The following NID2 variants were observed in gnomAD, a reference collection of about 807,000 sequenced individuals.
NID2 encodes nidogen-2.
Under a neutral mutation model 145.4 loss-of-function variants are expected in NID2, and 83 were observed. The ratio of observed to expected loss-of-function variants is 0.57; its 90% confidence interval spans 0.48 to 0.69. The LOEUF is 0.69. Among genes scored for constraint, NID2 ranks in the 30% least tolerant of loss-of-function variants. NID2 has a pLI of 0.00. For synonymous variants in NID2, 739 were observed against 701.3 expected (o/e 1.05, Z -0.85); for missense variants, 1,807 against 1,765.7 (o/e 1.02, Z -0.42).
chr14:52,058,061 C>T (rs76318951), intron 3 of NID2, among the ~76,000 whole-genome samples: 4,145 of 152,208 alleles, frequency 0.027, 79 homozygotes, highest in African/African-American at 0.057. Context: ...TAGGGAGAAA[C>T]GAGAATGTGA....
chr14:52,036,576 C>A (rs1892080157), intron 9 of NID2, among the ~76,000 whole-genome samples: 1 of 152,054 alleles, frequency 6.6e-6, no homozygotes, highest in Non-Finnish European at 1.5e-5. Flanking sequence ...TTTGAGAAAC[C>A]ACTATTTTGT....
chr14:52,036,170 T>C (rs1426553039), intron 9 of NID2, among the ~76,000 whole-genome samples: 1 of 152,250 alleles, frequency 6.6e-6, no homozygotes, highest in Non-Finnish European at 1.5e-5. Context: ...ATTAACGCCC[T>C]ATGCTCTCAT....
At chr14:52,050,987 T>C (rs968656338) in intron 5 of NID2, among the ~76,000 whole-genome samples, 4 of 152,182 alleles carry the variant, frequency 2.6e-5, no homozygotes, top group African/African-American at 9.7e-5. Context: ...GGGTAACTTT[T>C]TGACTTGACA....
Position 52,005,511 on chromosome 14 carries a change from CA to C in NID2, c.4118-16del. ...TTACTTTCTTCCTGTGAGAGAAGAG[CA>C]GGGGTGGGACAGGGTGGTGGGTGAG... On this transcript the variant is annotated splice_polypyrimidine_tract_variant and intron_variant, in intron 21 of 21. Coordinates refer to ENST00000216286, the MANE Select transcript of NID2 (RefSeq NM_007361.4). 6.3e-7 allele frequency: 1 copy of C among 1,596,040 alleles called. No homozygotes were observed. Among genetic ancestry groups the C allele is most frequent in the South Asian group, 1.1e-5 (1 of 87,620 alleles).
At chr14:52,047,278 G>GGCTCT (rs1209432185) in intron 5 of NID2, among the ~76,000 whole-genome samples, 2 of 152,104 alleles carry the variant, frequency 1.3e-5, no homozygotes, top group Non-Finnish European at 2.9e-5. Context: ...AGGTGTACAT[G>GGCTCT]GCTCTTTTTA....
chr14:52,060,035 T>C, intron 3 of NID2, 89 bp downstream of exon 3: 8 of 888,056 alleles, frequency 9.0e-6, no homozygotes, highest in Non-Finnish European at 1.4e-5. Context: ...CAATATATTA[T>C]GTAATGGTCT....
chr14:52,064,230 C>T (rs1893113587), intron 2 of NID2, among the ~76,000 whole-genome samples: 1 of 152,204 alleles, frequency 6.6e-6, no homozygotes, highest in Non-Finnish European at 1.5e-5. Context: ...TGGAGGCCTC[C>T]ATTGGGCAGT....
rs1892336623 is a variant in NID2 at position 52,042,876 on chromosome 14, G to A, written c.1485C>T (p.Cys495=). ...AGTCCGTGCAGAAGGCATGCCGGGA[G>A]CATTGTCTGTGGTTGTGTTCACAGG... The part of the protein sequence containing the change: ...KETCEHNHRQ[C]SRHAFCTDYA... Residue 495 remains cysteine, a synonymous_variant, in exon 6 of 22, where the codon TGC becomes TGT. Coordinates refer to ENST00000216286, the MANE Select transcript of NID2 (RefSeq NM_007361.4). 6.2e-7 allele frequency: 1 copy of A among 1,614,188 alleles called. No individual in the cohort carries two copies. The highest frequency in any genetic ancestry group is 1.3e-5 in the African/African-American group (1 of 75,038).
intron 3 of NID2, among the ~76,000 whole-genome samples, chr14:52,057,882 G>C (rs1467665808): frequency 1.3e-5 from 2 of 152,050 alleles, no homozygotes; most frequent in East Asian, 1.9e-4. Flanking sequence ...TGAAATAGAA[G>C]ATTATATTGA....
At chr14:52,034,460 G>T (rs1891985573) in intron 9 of NID2, among the ~76,000 whole-genome samples, 1 of 152,200 alleles carries the variant, frequency 6.6e-6, no homozygotes, top group South Asian at 2.1e-4. Context: ...TAATTTACAT[G>T]TTCCTCTAAA....
At chr14:52,066,369 A>C (rs12434236) in intron 2 of NID2, among the ~76,000 whole-genome samples, 1 of 151,972 alleles carries the variant, frequency 6.6e-6, no homozygotes, top group Non-Finnish European at 1.5e-5. Flanking sequence ...ATTTGATAGC[A>C]CAACAGGGTG....
At chr14:52,046,610 T>G (rs1281379287) in intron 5 of NID2, among the ~76,000 whole-genome samples, 1 of 152,192 alleles carries the variant, frequency 6.6e-6, no homozygotes, top group Non-Finnish European at 1.5e-5. Context: ...GCCAGCAACT[T>G]ACAAGTGCAA....
chr14:52,068,276 C>T (rs1317121957), intron 1 of NID2, 113 bp from the exon 2 acceptor site: 5 of 1,082,856 alleles, frequency 4.6e-6, no homozygotes, highest in Admixed American at 4.2e-5. Flanking sequence ...TCTCCTTCCC[C>T]ACTGGCCAGG....
intron 12 of NID2, among the ~76,000 whole-genome samples, chr14:52,021,729 C>G (rs968752834): frequency 6.6e-6 from 1 of 152,156 alleles, no homozygotes; most frequent in Non-Finnish European, 1.5e-5. Flanking sequence ...ATCATTTCGC[C>G]TATAAAGGCA....
chr14:52,047,586 GTAAGAAGTGCTGGTACAGGGGA>G, intron 5 of NID2, among the ~76,000 whole-genome samples: 1 of 152,178 alleles, frequency 6.6e-6, no homozygotes, highest in Non-Finnish European at 1.5e-5. Flanking sequence ...TCCCTTGGTG[GTAAGAAGTGCTGGTACAGGGGA>G]TAAGAAGGGC....
At chr14:52,019,706 C>T (rs1164833792) in intron 13 of NID2, among the ~76,000 whole-genome samples, 9 of 152,198 alleles carry the variant, frequency 5.9e-5, no homozygotes, top group South Asian at 2.1e-4. Flanking sequence ...CTAACACGGT[C>T]GCCACGGGCT....
At chr14:52,043,007 T>G (rs541389667) in intron 5 of NID2, 76 bp from the exon 6 acceptor site, 1 of 1,417,608 alleles carries the variant, frequency 7.1e-7, no homozygotes, top group African/African-American at 1.4e-5. Flanking sequence ...ACACAACATC[T>G]GCTCCATAGA....
At chr14:52,061,847 A>C (rs1160954473) in intron 2 of NID2, among the ~76,000 whole-genome samples, 1 of 152,254 alleles carries the variant, frequency 6.6e-6, no homozygotes, top group Non-Finnish European at 1.5e-5. Flanking sequence ...GGCTTCTGAA[A>C]CTGTCTCTCT....
At chr14:52,005,926 G>C (rs1890761309) in intron 20 of NID2, 77 bp from the exon 21 acceptor site, 3 of 1,131,552 alleles carry the variant, frequency 2.7e-6, no homozygotes, top group African/African-American at 3.0e-5. Context: ...CAGAAAATCA[G>C]TTGCAATAGA....
Sources: gnomAD v4.1 joint callset for allele counts (sites outside exome capture counted in the v4.1 genomes callset) on GRCh38, gnomAD v4.1.1 for gene constraint, MANE v1.5 for transcripts, NCBI Gene and HGNC (gene_info 2026-07-23, HGNC 2026-07-21) for gene names.